ATRX: variants seen among roughly 807,000 people sequenced by gnomAD.
ATRX encodes the protein ATRX chromatin remodeler, also known as chromatin remodeler ATRX.
A neutral mutation model predicts 172.6 loss-of-function variants in ATRX; 12 were observed. The ratio of observed to expected loss-of-function variants is 0.07; its 90% CI spans 0.04 to 0.11. The LOEUF (loss-of-function observed/expected upper bound fraction) is 0.11, where lower values mean the gene tolerates loss of function less well. Among genes scored for constraint, ATRX ranks in the 10% least tolerant of loss-of-function variants. ATRX has a pLI of 1.00. For missense variants in ATRX, 1,368 were observed against 1,767.4 expected (o/e 0.77, Z 4.05); for synonymous variants, 674 against 594.7 (o/e 1.13, Z -1.94).
In ATRX at chrX:77,656,640, A is replaced by C. The variant is rs782302000; in HGVS notation, c.4134T>G (p.Asp1378Glu). The change falls in exon 13 of 35, where the codon GAT (aspartate) becomes GAG (glutamate). Residue 1378 changes from aspartate to glutamate, a missense_variant. Asp to Glu is a conservative substitution (Grantham distance 45, BLOSUM62 2). Around this residue, in one of 17 missense-constraint regions of ATRX, gnomAD observed 119 missense variants for 131.3 expected, o/e 0.91. Coordinates refer to ENST00000373344, the MANE Select transcript of ATRX (RefSeq NM_000489.6). ...ATTCCTGAAAATCAGAATCTTCTGA[A>C]TCTTCACTGCTCACTTGAATTTTAA... ...GRNRRKVSSE[D>E]SEDSDFQESG... is the part of the protein sequence containing the mutation. 16 of 1,196,576 alleles carry C rather than the reference A, an allele frequency of 1.3e-5. No homozygotes were observed. The East Asian group carries it at 4.8e-4, about 36-fold the overall frequency.
intron 15 of ATRX, among the ~76,000 whole-genome samples, chrX:77,641,536 T>A (rs1164250034): frequency 1.0e-5 from 1 of 98,656 alleles, no homozygotes; most frequent in African/African-American, 3.9e-5. Context: ...AGCAGAGAGA[T>A]CGCACCACTG....
Position 77,523,261 on chromosome X carries a change from T to C in ATRX, c.6840A>G (p.Ala2280=). 8.3e-7 allele frequency: 1 copy of C among 1,211,298 alleles called. No individual in the cohort carries two copies. The highest frequency in any genetic ancestry group is 1.1e-6 in the Non-Finnish European group (1 of 895,153). The change falls in exon 31 of 35, where the codon GCA becomes GCG. Residue 2280 remains alanine (A), a synonymous_variant. Coordinates refer to ENST00000373344, the MANE Select transcript of ATRX (RefSeq NM_000489.6). ...ERKAAWAEYE[A]EKKGLTMRFN... is the part of the protein sequence containing the mutation. ...ATTTTGCATCAACTACCTTCTTCTC[T>C]GCTTCATACTCAGCCCAAGCTGCTT... is the stretch of plus-strand genomic sequence containing the variant.
rs199850537 is a variant in ATRX at position 77,777,380 on chromosome X, C to CAACAA, written c.20+8597_20+8601dup. 1.4e-4 allele frequency among the ~76,000 whole-genome samples: 15 copies of CAACAA among 106,572 alleles called. No individual in the cohort carries two copies. The South Asian group carries it at 1.6e-3, about 12-fold the overall frequency. The allele number at this position is 106,572 out of a possible 115,157, so 92.5% of individuals were successfully genotyped here. A position where few individuals can be genotyped will look rare whatever the true frequency, so the allele number is the denominator to read the frequency against. ...TGGGCGACAGAGCAAGACTCCGTCT[C>CAACAA]AACAAAACAAAACAAAACAAAACAA... On this transcript the variant is annotated intron_variant, in intron 1 of 34. Transcript: ENST00000373344.
At chrX:77,589,796 A>G in intron 27 of ATRX, 38 bp downstream of exon 27, 7 of 1,093,560 alleles carry the variant, frequency 6.4e-6, no homozygotes, top group Non-Finnish European at 8.8e-6. Context: ...TTAAATCAGT[A>G]TTTTTAAAAT....
At position 77,574,259 on chromosome X, in the gene ATRX, G is replaced by C; in HGVS notation, c.6317C>G (p.Thr2106Ser). Residue 2106 changes from threonine (T) to serine (S), a missense_variant, in exon 28 of 35, where the codon ACT becomes AGT. By Grantham distance (58) the Thr-to-Ser change is moderately conservative. Transcript: ENST00000373344. ...AGAAAATTTTTCCTACCTCACATTA[G>C]TTTCATCATTAAATTCTTCAGCCCA... ...KKWAEEFNDE[T>S]NVRGRLFIIS... 1 of 1,193,198 alleles carries C rather than the reference G, an allele frequency of 8.4e-7. No homozygotes were observed. Among genetic ancestry groups the C allele is most frequent in the Non-Finnish European group, 1.1e-6 (1 of 880,384 alleles).
intron 30 of ATRX, among the ~76,000 whole-genome samples, chrX:77,535,040 T>C (rs2063703041): frequency 8.9e-6 from 1 of 111,960 alleles, no homozygotes. Context: ...AAAATTCCTT[T>C]TATTGCTTAA....
intron 28 of ATRX, among the ~76,000 whole-genome samples, chrX:77,559,516 TG>T (rs2064940968): frequency 1.2e-5 from 1 of 84,050 alleles, no homozygotes; most frequent in Non-Finnish European, 2.1e-5. Flanking sequence ...GGGAGTGCAA[TG>T]GCGCAATCTC....
At chrX:77,706,743 A>G (rs2072846323) in intron 2 of ATRX, among the ~76,000 whole-genome samples, 1 of 105,326 alleles carries the variant, frequency 9.5e-6, no homozygotes, top group African/African-American at 3.4e-5. Context: ...CTAAAAAATA[A>G]AAAAAAAAAA....
chrX:77,664,568 G>C (rs2148495168), intron 11 of ATRX, 77 bp downstream of exon 11: 1 of 1,159,428 alleles, frequency 8.6e-7, no homozygotes, highest in Non-Finnish European at 1.2e-6. Flanking sequence ...GATATTTCTT[G>C]GTCAGATATT....
At chrX:77,769,746 T>G (rs781922351) in intron 1 of ATRX, among the ~76,000 whole-genome samples, 2 of 112,080 alleles carry the variant, frequency 1.8e-5, no homozygotes, top group Non-Finnish European at 3.8e-5. Flanking sequence ...TTTTCAAATA[T>G]GAGAACTGCT....
chrX:77,631,492 C>T (rs988810172), intron 19 of ATRX, among the ~76,000 whole-genome samples: 2 of 110,811 alleles, frequency 1.8e-5, no homozygotes, highest in Non-Finnish European at 3.8e-5. Context: ...AAACTCTACC[C>T]TAGCCAAGTG....
chrX:77,671,167 A>AATATATATATAT (rs3063061), intron 10 of ATRX, among the ~76,000 whole-genome samples: 36 of 15,734 alleles, frequency 2.3e-3, no homozygotes, highest in East Asian at 4.5e-3. Context: ...AAAAAAAAAA[A>AATATATATATAT]ATATATATAT....
intron 10 of ATRX, among the ~76,000 whole-genome samples, chrX:77,672,681 G>A (rs868913545): frequency 4.0e-4 from 43 of 108,756 alleles, no homozygotes; most frequent in African/African-American, 1.3e-3. Flanking sequence ...ATCAAATTTC[G>A]CTTCTATGAA....
At chrX:77,665,616 C>T (rs1008769934) in intron 10 of ATRX, among the ~76,000 whole-genome samples, 1 of 111,663 alleles carries the variant, frequency 9.0e-6, no homozygotes, top group South Asian at 3.7e-4. Context: ...AAAATATATT[C>T]CTAGGAAATC....
rs188353066 is a variant in ATRX at position 77,735,484 on chromosome X, C to T, written c.21-18241G>A. 6.6e-3 allele frequency among the ~76,000 whole-genome samples: 734 copies of T among 110,882 alleles called. 7 individuals are homozygous for T. Among genetic ancestry groups the T allele is most frequent in the Non-Finnish European group, 9.2e-3 (485 of 52,828 alleles). On this transcript the variant is annotated intron_variant, in intron 1 of 34. Coordinates refer to ENST00000373344, the MANE Select transcript of ATRX (RefSeq NM_000489.6). ...ACGGACGCCTGTAGTCCCAGCTACT[C>T]GGGAGGCTGAGGCTGGAGAATGGCG...
chrX:77,539,129 G>A (rs1187545782), intron 30 of ATRX, among the ~76,000 whole-genome samples: 1 of 110,068 alleles, frequency 9.1e-6, no homozygotes, highest in Non-Finnish European at 1.9e-5. Context: ...TCTTGACCTC[G>A]TGATCCGCCT....
chrX:77,660,861 C>T (rs1386459550), intron 12 of ATRX, among the ~76,000 whole-genome samples: 11 of 111,342 alleles, frequency 9.9e-5, no homozygotes, highest in African/African-American at 3.6e-4. Context: ...ATTGTACATA[C>T]ACCATGACAA....
chrX:77,564,256 T>A (rs2147977102), intron 28 of ATRX, among the ~76,000 whole-genome samples: 1 of 111,692 alleles, frequency 9.0e-6, no homozygotes, highest in Non-Finnish European at 1.9e-5. Flanking sequence ...AAGCCCAAAT[T>A]ACCAATCTTG....
chrX:77,676,029 T>C (rs2070845885), intron 10 of ATRX, 197 bp downstream of exon 10: 1 of 356,215 alleles, frequency 2.8e-6, no homozygotes, highest in Non-Finnish European at 5.0e-6. Context: ...AATAATGATA[T>C]TACTTTCTCT....
Sources: gnomAD v4.1 joint callset for allele counts (sites outside exome capture counted in the v4.1 genomes callset) on GRCh38, gnomAD v4.1.1 for gene constraint, gnomAD v4.1.1 regional missense constraint, MANE v1.5 for transcripts, NCBI Gene and HGNC (gene_info 2026-07-23, HGNC 2026-07-21) for gene names.